The following CACNB2 variants were observed in gnomAD, a reference collection of about 807,000 sequenced individuals.
The protein encoded by CACNB2 is calcium voltage-gated channel auxiliary subunit beta 2.
In CACNB2, 42 loss-of-function variants were observed where a neutral mutation model predicts 73.3. That is an observed-to-expected ratio of 0.57 (90% CI 0.45 to 0.74). CACNB2 has a LOEUF of 0.74. Ranked by LOEUF, CACNB2 falls within the 30% of genes least tolerant of loss-of-function variation. The pLI is 0.00. For synonymous variants in CACNB2, 348 were observed against 310.3 expected, an observed-to-expected ratio of 1.12 and a Z score of -1.28; for missense variants, 940 against 853.0, an observed-to-expected ratio of 1.10 and a Z score of -1.27.
intron 3 of CACNB2, among the ~76,000 whole-genome samples, chr10:18,443,266 A>G (rs900486531): frequency 6.6e-6 from 1 of 151,958 alleles, no homozygotes; most frequent in Non-Finnish European, 1.5e-5. Context: ...GGCCAGTGAG[A>G]AACACCCTAG....
At chr10:18,400,940 A>G in intron 2 of CACNB2, 17 of 1,598,296 alleles carry the variant, frequency 1.1e-5, no homozygotes, top group African/African-American at 2.7e-5. Flanking sequence ...GAGCATGGAT[A>G]GGAAAGGAGC....
At chr10:18,488,520 G>A (rs970498696) in intron 3 of CACNB2, among the ~76,000 whole-genome samples, 5 of 145,630 alleles carry the variant, frequency 3.4e-5, no homozygotes, top group African/African-American at 1.0e-4. Context: ...ATTTGACATC[G>A]CTGTTGATTT....
chr10:18,379,884 A>G (rs2042943674), intron 2 of CACNB2, among the ~76,000 whole-genome samples: 1 of 152,018 alleles, frequency 6.6e-6, no homozygotes, highest in Admixed American at 6.6e-5. Flanking sequence ...ACGGAATTTC[A>G]CCATGTTACA....
intron 2 of CACNB2, among the ~76,000 whole-genome samples, chr10:18,205,217 G>A (rs1233433816): frequency 6.6e-6 from 1 of 152,148 alleles, no homozygotes; most frequent in Admixed American, 6.6e-5. Flanking sequence ...AAAGACTTGA[G>A]CATTAACTTA....
intron 3 of CACNB2, among the ~76,000 whole-genome samples, chr10:18,424,268 G>T (rs559375846): frequency 6.6e-6 from 1 of 152,250 alleles, no homozygotes; most frequent in South Asian, 2.1e-4. Context: ...CTCCTCTACT[G>T]CCCCTGCAGA....
intron 3 of CACNB2, among the ~76,000 whole-genome samples, chr10:18,469,925 T>C (rs1422757742): frequency 6.6e-6 from 1 of 152,184 alleles, no homozygotes; most frequent in Non-Finnish European, 1.5e-5. Flanking sequence ...CCTGGGATCT[T>C]GAGGTTAAGA....
chr10:18,238,365 C>A (rs1564368157), intron 2 of CACNB2: 3 of 152,332 alleles, frequency 2.0e-5, no homozygotes, highest in Non-Finnish European at 4.4e-5. Context: ...TGATTCTGTA[C>A]TGATGAAAGC....
intron 2 of CACNB2, among the ~76,000 whole-genome samples, chr10:18,154,414 T>C (rs1379865070): frequency 1.3e-5 from 2 of 152,060 alleles, no homozygotes; most frequent in Admixed American, 1.3e-4. Context: ...TATTTGGAGA[T>C]GAGGCCTCTG....
intron 2 of CACNB2, among the ~76,000 whole-genome samples, chr10:18,389,968 T>C (rs1383889808): frequency 1.3e-5 from 2 of 152,226 alleles, no homozygotes; most frequent in Non-Finnish European, 1.5e-5. Context: ...TATCAATTAG[T>C]GTGCCTTTTA....
At chr10:18,271,547 T>A (rs1003139384) in intron 2 of CACNB2, among the ~76,000 whole-genome samples, 1 of 152,190 alleles carries the variant, frequency 6.6e-6, no homozygotes, top group Non-Finnish European at 1.5e-5. Flanking sequence ...AATGGCTATA[T>A]GTATGGAAAC....
chr10:18,539,759 T>C lies in CACNB2; in HGVS notation c.*35T>C, dbSNP rs1554843343. 1 of 1,465,702 alleles carries C rather than the reference T, an allele frequency of 6.8e-7. No individual in the cohort carries two copies. Among genetic ancestry groups the C allele is most frequent in the Admixed American group, 2.1e-5 (1 of 48,106 alleles). 90.8% of individuals were successfully genotyped at this position (1,465,702 alleles called of 1,614,324 possible). On this transcript the variant is annotated 3_prime_UTR_variant, in exon 14 of 14. Transcript: ENST00000324631. ...GTTTGTGTTTTTTTTTTTTTTTTTT[T>C]GAAGTCTTGTATAACTAACAGCATC...
At position 18,440,231 on chromosome 10, in the gene CACNB2, GA is replaced by G. The variant is rs568478206; in HGVS notation, c.333+38189del. Among the ~76,000 whole-genome samples the G allele has an allele frequency of 3.2e-3, 487 of 152,238 alleles. 3 individuals carry two copies. Among genetic ancestry groups the G allele is most frequent in the South Asian group, 0.014 (68 of 4,830 alleles). ...TTATTCATGGGGGCCCCACACTCATGACCTAACTACCTTGTTAAAGCCCCAC... is the reference window on the plus strand; with the variant it reads ...TTATTCATGGGGGCCCCACACTCATGCCTAACTACCTTGTTAAAGCCCCAC... On this transcript the variant is annotated intron_variant, in intron 3 of 13. Transcript: ENST00000324631.
intron 2 of CACNB2, among the ~76,000 whole-genome samples, chr10:18,157,671 A>T (rs1173135664): frequency 6.6e-6 from 1 of 152,160 alleles, no homozygotes; most frequent in East Asian, 1.9e-4. Flanking sequence ...GTAAGGTTGG[A>T]GTCAAAATCT....
chr10:18,464,418 T>TTAAAAAAAAAAAAAAAAAAAAA (rs1360690647), intron 3 of CACNB2, among the ~76,000 whole-genome samples: 24 of 85,304 alleles, frequency 2.8e-4, no homozygotes, highest in South Asian at 1.1e-3. Context: ...TCTCAAAAAT[T>TTAAAAAAAAAAAAAAAAAAAAA]AAAAAAAAAA....
chr10:18,157,224 GATTT>G (rs2131070387), intron 2 of CACNB2, among the ~76,000 whole-genome samples: 1 of 152,322 alleles, frequency 6.6e-6, no homozygotes, highest in East Asian at 1.9e-4. Flanking sequence ...GATGTTATAA[GATTT>G]ATTTAAACAG....
chr10:18,461,939 C>A (rs1428848384), intron 3 of CACNB2, among the ~76,000 whole-genome samples: 1 of 152,002 alleles, frequency 6.6e-6, no homozygotes, highest in Non-Finnish European at 1.5e-5. Flanking sequence ...TTTCCTGGAG[C>A]TCTGGAGAGA....
At chr10:18,281,979 C>CAAAAAAAAA (rs10542258) in intron 2 of CACNB2, among the ~76,000 whole-genome samples, 1 of 69,986 alleles carries the variant, frequency 1.4e-5, no homozygotes. Context: ...GACTCCATCT[C>CAAAAAAAAA]AAAAAAAAAA....
intron 2 of CACNB2, among the ~76,000 whole-genome samples, chr10:18,284,196 A>C (rs987986757): frequency 6.6e-6 from 1 of 152,214 alleles, no homozygotes; most frequent in Non-Finnish European, 1.5e-5. Flanking sequence ...TCTTACGTGG[A>C]TAGTTAACAG....
chr10:18,173,793 A>G (rs1259555202), intron 2 of CACNB2, among the ~76,000 whole-genome samples: 1 of 152,194 alleles, frequency 6.6e-6, no homozygotes, highest in Non-Finnish European at 1.5e-5. Flanking sequence ...ATCTGGTGGT[A>G]GGGCTGTGTC....
Sources: allele counts gnomAD v4.1 joint callset (sites outside exome capture counted in the v4.1 genomes callset), GRCh38; gene constraint gnomAD v4.1.1; transcripts MANE v1.5; gene names NCBI Gene and HGNC (gene_info 2026-07-23, HGNC 2026-07-21).